IL18R1: variants seen among roughly 807,000 people sequenced by gnomAD.
The protein encoded by IL18R1 is interleukin-18 receptor 1.
Under a neutral mutation model 48.5 loss-of-function variants are expected in IL18R1, and 40 were observed. That is an observed-to-expected ratio of 0.82 (90% CI 0.64 to 1.07). The LOEUF is 1.07. Ranked by LOEUF, IL18R1 falls within the 50% of genes least tolerant of loss-of-function variation. IL18R1 has a pLI of 0.00. For missense variants in IL18R1, 596 were observed against 633.7 expected (o/e 0.94, Z 0.64); for synonymous variants, 232 against 225.9 (o/e 1.03, Z -0.24).
At position 102,381,622 on chromosome 2, in the gene IL18R1, C is replaced by T. The variant is rs749556086; in HGVS notation, c.628C>T (p.Arg210Cys). ...KTFNITIVED[R>C]SNIVPVLLGP... Reference sequence around the variant, plus strand: ...GTCTTTTCTTTTGTCACTTCTAGATCGCAGTAATATAGTTCCGGTTCTTCT... The same window carrying T: ...GTCTTTTCTTTTGTCACTTCTAGATTGCAGTAATATAGTTCCGGTTCTTCT... The change falls in exon 6 of 11, where the codon CGC (arginine) becomes TGC (cysteine). Residue 210 changes from arginine to cysteine, a missense_variant and splice_region_variant. This residue lies in a region of IL18R1 where 360 missense variants were observed against 339.4 expected (regional missense o/e 1.06). Coordinates refer to ENST00000233957, the MANE Select transcript of IL18R1 (RefSeq NM_003855.5). 73 of 1,611,366 alleles carry T rather than the reference C, an allele frequency of 4.5e-5. No homozygotes were observed. In the Admixed American group the frequency reaches 1.0e-3, roughly 23 times the overall value.
At chr2:102,367,035 C>G (rs750097254) in intron 2 of IL18R1, among the ~76,000 whole-genome samples, 3 of 152,044 alleles carry the variant, frequency 2.0e-5, no homozygotes, top group African/African-American at 7.2e-5. Flanking sequence ...AAAGTGCACC[C>G]GAGAGTCACT....
At chr2:102,384,505 C>T (rs1022119948) in intron 6 of IL18R1, among the ~76,000 whole-genome samples, 3 of 152,070 alleles carry the variant, frequency 2.0e-5, no homozygotes, top group Admixed American at 6.5e-5. Flanking sequence ...TTTCTCTGTA[C>T]TTTGATGTCT....
At chr2:102,362,346 C>T (rs1678625335) in intron 1 of IL18R1, among the ~76,000 whole-genome samples, 1 of 152,140 alleles carries the variant, frequency 6.6e-6, no homozygotes, top group Non-Finnish European at 1.5e-5. Flanking sequence ...GAACTTTGGC[C>T]TTGGAAGCAG....
At chr2:102,377,576 A>G (rs1679666468) in intron 5 of IL18R1, among the ~76,000 whole-genome samples, 1 of 152,232 alleles carries the variant, frequency 6.6e-6, no homozygotes, top group African/African-American at 2.4e-5. Context: ...TTGGTCTCCC[A>G]AAGTACTGGG....
intron 5 of IL18R1, among the ~76,000 whole-genome samples, chr2:102,378,878 G>A (rs542946913): frequency 1.3e-5 from 2 of 152,200 alleles, no homozygotes; most frequent in African/African-American, 4.8e-5. Flanking sequence ...AGAAATTAGA[G>A]CTTGGAGTTG....
chr2:102,372,990 A>G (rs1468893510), intron 4 of IL18R1, among the ~76,000 whole-genome samples: 1 of 152,250 alleles, frequency 6.6e-6, no homozygotes, highest in Non-Finnish European at 1.5e-5. Context: ...AGCTCTGCCA[A>G]TTTTACCCCA....
At chr2:102,375,324 T>TGA (rs1573204724) in intron 4 of IL18R1, among the ~76,000 whole-genome samples, 1 of 152,034 alleles carries the variant, frequency 6.6e-6, no homozygotes, top group African/African-American at 2.4e-5. Context: ...GAAATGTGTG[T>TGA]GAGAGAGAGA....
intron 3 of IL18R1, among the ~76,000 whole-genome samples, chr2:102,371,728 T>C (rs887887441): frequency 6.6e-6 from 1 of 152,184 alleles, no homozygotes; most frequent in East Asian, 1.9e-4. Context: ...TCTCTGTGTG[T>C]AGACTGCTTA....
intron 4 of IL18R1, among the ~76,000 whole-genome samples, chr2:102,374,883 C>G (rs1162766254): frequency 6.6e-6 from 1 of 152,108 alleles, no homozygotes; most frequent in Non-Finnish European, 1.5e-5. Flanking sequence ...GTATTCTAAG[C>G]CTGTTGACTG....
At chr2:102,375,022 C>T (rs1262077826) in intron 4 of IL18R1, among the ~76,000 whole-genome samples, 1 of 152,182 alleles carries the variant, frequency 6.6e-6, no homozygotes, top group African/African-American at 2.4e-5. Context: ...TTGACTTATA[C>T]ATAAATAATT....
At position 102,373,066 on chromosome 2, in the gene IL18R1, G is replaced by A. The variant is rs551226787; in HGVS notation, c.468+948G>A. On this transcript the variant is annotated intron_variant, in intron 4 of 10. Transcript: ENST00000233957. ...CACAGGGAAATAATGGTCCCAGAAT[G>A]TTTAAAATTTGATATGAAAAATTTC... is the stretch of plus-strand genomic sequence containing the variant. Among the ~76,000 whole-genome samples the A allele has an allele frequency of 7.3e-4, 111 of 152,192 alleles. 2 individuals are homozygous for A. Among genetic ancestry groups the A allele is most frequent in the South Asian group, 6.8e-3 (33 of 4,830 alleles).
intron 9 of IL18R1, 129 bp downstream of exon 9, chr2:102,390,346 A>T: frequency 1.2e-6 from 1 of 838,970 alleles, no homozygotes; most frequent in East Asian, 2.6e-5. Flanking sequence ...TCTATGGGAA[A>T]TATTGTTCTG....
intron 2 of IL18R1, among the ~76,000 whole-genome samples, chr2:102,363,961 A>G (rs1038091486): frequency 6.6e-6 from 1 of 152,294 alleles, no homozygotes; most frequent in South Asian, 2.1e-4. Context: ...CTTGAATTCC[A>G]CTTATTTATC....
intron 6 of IL18R1, among the ~76,000 whole-genome samples, chr2:102,383,949 G>A (rs763624005): frequency 3.9e-5 from 6 of 152,038 alleles, no homozygotes; most frequent in African/African-American, 7.2e-5. Flanking sequence ...TCTATTAGCT[G>A]TCTTTTCTAT....
intron 9 of IL18R1, among the ~76,000 whole-genome samples, chr2:102,392,204 T>A (rs1461261352): frequency 6.6e-6 from 1 of 152,202 alleles, no homozygotes; most frequent in Non-Finnish European, 1.5e-5. Context: ...TTGAACAACA[T>A]AAAATTAGCA....
intron 2 of IL18R1, among the ~76,000 whole-genome samples, chr2:102,363,932 C>T (rs933842562): frequency 1.3e-5 from 2 of 152,160 alleles, no homozygotes; most frequent in African/African-American, 4.8e-5. Flanking sequence ...CCTATTTTGG[C>T]ACTTGGAACT....
chr2:102,376,337 TTTG>T (rs1346913253), intron 5 of IL18R1, among the ~76,000 whole-genome samples: 5 of 152,228 alleles, frequency 3.3e-5, no homozygotes, highest in Non-Finnish European at 4.4e-5. Context: ...TGTGGAATCT[TTTG>T]TTGTTGAATT....
intron 4 of IL18R1, 63 bp downstream of exon 4, chr2:102,372,181 G>T: frequency 7.5e-7 from 1 of 1,337,260 alleles, no homozygotes; most frequent in Non-Finnish European, 1.0e-6. Context: ...CCCAAATGAG[G>T]GGCTGAGAGC....
At chr2:102,394,182 C>A (rs771693010) in intron 9 of IL18R1, among the ~76,000 whole-genome samples, 6 of 151,938 alleles carry the variant, frequency 3.9e-5, no homozygotes, top group Non-Finnish European at 8.8e-5. Context: ...GGGCTCTTGG[C>A]CTTCTAAGGA....
Sources: gnomAD v4.1 joint callset for allele counts (sites outside exome capture counted in the v4.1 genomes callset) on GRCh38, gnomAD v4.1.1 for gene constraint, gnomAD v4.1.1 regional missense constraint, MANE v1.5 for transcripts, NCBI Gene and HGNC (gene_info 2026-07-23, HGNC 2026-07-21) for gene names.